The following TMLHE variants were observed in gnomAD, a reference collection of about 807,000 sequenced individuals.
TMLHE encodes trimethyllysine hydroxylase, epsilon.
In TMLHE, 18 loss-of-function variants were observed where a neutral mutation model predicts 25.7. That is an observed-to-expected ratio of 0.70 (90% CI 0.48 to 1.04). The LOEUF (loss-of-function observed/expected upper bound fraction) is 1.04. Ranked by LOEUF, TMLHE falls within the 50% of genes least tolerant of loss-of-function variation. The probability of loss-of-function intolerance (pLI) is 0.00; values close to 1 mark genes in which losing one functional copy is unlikely to be tolerated. For synonymous variants in TMLHE, 105 were observed against 97.0 expected (o/e 1.08, Z -0.49); for missense variants, 236 against 259.0 (o/e 0.91, Z 0.61).
intron 1 of TMLHE, among the ~76,000 whole-genome samples, chrX:155,582,866 T>G (rs1165250226): frequency 8.9e-6 from 1 of 112,277 alleles, no homozygotes; most frequent in African/African-American, 3.2e-5. Flanking sequence ...TAAAGACACA[T>G]GCACATGTAT....
At chrX:155,540,847 T>C (rs782434955) in intron 2 of TMLHE, among the ~76,000 whole-genome samples, 36 of 110,677 alleles carry the variant, frequency 3.3e-4, no homozygotes, top group Non-Finnish European at 5.1e-4. Flanking sequence ...GAAGTAAAAT[T>C]GTCTGTATTC....
intron 1 of TMLHE, among the ~76,000 whole-genome samples, chrX:155,549,804 C>T (rs1557339771): frequency 1.8e-5 from 2 of 109,650 alleles, no homozygotes; most frequent in East Asian, 2.8e-4. Context: ...GGTATACAAA[C>T]CATGGTGGTT....
intron 2 of TMLHE, among the ~76,000 whole-genome samples, chrX:155,537,367 C>T (rs185535256): frequency 8.6e-4 from 96 of 111,524 alleles, no homozygotes; most frequent in African/African-American, 3.1e-3. Context: ...TCTTGAGTCA[C>T]TCTCCATTTT....
chrX:155,549,297 T>A (rs2067394340), intron 1 of TMLHE, among the ~76,000 whole-genome samples: 2 of 110,596 alleles, frequency 1.8e-5, no homozygotes, highest in Admixed American at 9.5e-5. Context: ...TTGTTCCTGA[T>A]CTTAGGGGAA....
chrX:155,594,259 A>T (rs2067709142), intron 1 of TMLHE, among the ~76,000 whole-genome samples: 1 of 112,459 alleles, frequency 8.9e-6, no homozygotes, highest in African/African-American at 3.2e-5. Context: ...TTTAGCAGAA[A>T]CTCTGCAGGT....
intron 1 of TMLHE, among the ~76,000 whole-genome samples, chrX:155,609,313 C>T (rs2067805450): frequency 9.0e-6 from 1 of 111,500 alleles, no homozygotes; most frequent in African/African-American, 3.3e-5. Flanking sequence ...CACATGTTCT[C>T]ATTTATAAAT....
In TMLHE at chrX:155,603,742, C is replaced by T. The variant is rs782680598; in HGVS notation, c.-2+9050G>A. Among the ~76,000 whole-genome samples the T allele has an allele frequency of 3.8e-4, 43 of 111,865 alleles. 1 individual carries two copies. The highest frequency in any genetic ancestry group is 3.8e-3 in the Admixed American group (40 of 10,629). On this transcript the variant is annotated intron_variant, in intron 1 of 7. Transcript: ENST00000334398. ...CATATGCAAAAAGATTAATGAAGAC[C>T]TTCACCTTACACCATACACAAAATA...
At chrX:155,560,612 A>G (rs5983731) in intron 1 of TMLHE, among the ~76,000 whole-genome samples, 8,581 of 55,480 alleles carry the variant, frequency 0.15, 1,676 homozygotes, top group African/African-American at 0.31. Context: ...GGTAAAGTAG[A>G]CTAGGCAGAG....
chrX:155,548,131 C>G (rs1437195020), intron 1 of TMLHE, among the ~76,000 whole-genome samples: 2 of 111,948 alleles, frequency 1.8e-5, no homozygotes, highest in African/African-American at 3.2e-5. Flanking sequence ...AGACCGCAAA[C>G]TATGAAACTA....
chrX:155,573,426 G>A (rs1452052128), intron 1 of TMLHE, among the ~76,000 whole-genome samples: 4 of 56,106 alleles, frequency 7.1e-5, no homozygotes, highest in African/African-American at 1.7e-4. Flanking sequence ...TCAGTGTGGC[G>A]ATTCCTCAGG....
rs189889800 is a variant in TMLHE, at chrX:155,557,211, T to C, written c.-1-11934A>G. ...GCCTAGGAAATCACAAGGGTATTGA[T>C]TGGGGAAGTGATAAGTGTCCATGAA... On this transcript the variant is annotated intron_variant, in intron 1 of 7. Coordinates refer to ENST00000334398, the MANE Select transcript of TMLHE (RefSeq NM_018196.4). Among the ~76,000 whole-genome samples the C allele has an allele frequency of 4.7e-3, 526 of 112,247 alleles. 2 individuals are homozygous for C. The highest frequency in any genetic ancestry group is 0.016 in the African/African-American group (480 of 30,935).
At chrX:155,585,416 AACACACAC>A (rs56160372) in intron 1 of TMLHE, among the ~76,000 whole-genome samples, 1,372 of 96,584 alleles carry the variant, frequency 0.014, 20 homozygotes, top group African/African-American at 0.044. Context: ...CACACACACA[AACACACAC>A]ACACACACAC....
At position 155,514,035 on chromosome X, in the gene TMLHE, G is replaced by C. The variant is rs781831371; in HGVS notation, c.589C>G (p.Pro197Ala). The C allele has an allele frequency of 2.1e-5, 25 of 1,209,245 alleles. No individual in the cohort carries two copies. Among genetic ancestry groups the C allele is most frequent in the Non-Finnish European group, 2.7e-5 (24 of 894,735 alleles). Residue 197 changes from proline to alanine, a missense_variant, in exon 4 of 8, where the codon CCC becomes GCC. Transcript: ENST00000334398. ...AACTTCTCTGTGTGCTCTTGAGTGG[G>C]AGGGACATTTTCTACGAATGCAATT... ...YGIAFVENVP[P>A]TQEHTEKLAE...
chrX:155,552,905 T>C (rs1557340231), intron 1 of TMLHE, among the ~76,000 whole-genome samples: 1 of 108,609 alleles, frequency 9.2e-6, no homozygotes, highest in Non-Finnish European at 1.9e-5. Context: ...AATTTTAAGA[T>C]GCTATATTTC....
chrX:155,536,142 G>C (rs1569561989), intron 2 of TMLHE, among the ~76,000 whole-genome samples: 1 of 111,424 alleles, frequency 9.0e-6, no homozygotes, highest in Admixed American at 9.6e-5. Flanking sequence ...TTTCCTAAAA[G>C]AATTTCTCAT....
intron 5 of TMLHE, among the ~76,000 whole-genome samples, chrX:155,510,242 A>G (rs1389687202): frequency 9.5e-6 from 1 of 104,903 alleles, no homozygotes; most frequent in African/African-American, 3.5e-5. Flanking sequence ...TTTTTATTTT[A>G]TTTTATTTTA....
At chrX:155,514,699 G>A (rs953225573) in intron 3 of TMLHE, among the ~76,000 whole-genome samples, 1 of 110,755 alleles carries the variant, frequency 9.0e-6, no homozygotes, top group Non-Finnish European at 1.9e-5. Context: ...TGGAGAAAAA[G>A]TCAGTGACTC....
intron 1 of TMLHE, among the ~76,000 whole-genome samples, chrX:155,583,466 C>T (rs2067645058): frequency 9.3e-6 from 1 of 107,347 alleles, no homozygotes; most frequent in African/African-American, 3.4e-5. Context: ...TCCCTCCCAC[C>T]CTCCCACAAC....
chrX:155,603,967 C>T (rs1271308768), intron 1 of TMLHE, among the ~76,000 whole-genome samples: 1 of 112,174 alleles, frequency 8.9e-6, no homozygotes, highest in Non-Finnish European at 1.9e-5. Context: ...GCCATTGCAG[C>T]AGCTCTGTCC....
Sources: allele counts gnomAD v4.1 joint callset (sites outside exome capture counted in the v4.1 genomes callset), GRCh38; gene constraint gnomAD v4.1.1; transcripts MANE v1.5; gene names NCBI Gene and HGNC (gene_info 2026-07-23, HGNC 2026-07-21).